The following CHURC1 variants were observed in gnomAD, a reference collection of about 807,000 sequenced individuals.
CHURC1 encodes the protein churchill domain containing 1, also known as protein Churchill.
CHURC1 carries 12 observed loss-of-function variants against 15.4 expected under a neutral mutation model. The observed-to-expected ratio is 0.78, with a 90% confidence interval of 0.50 to 1.27. The LOEUF is 1.27. Among genes scored for constraint, CHURC1 ranks in the 50% most tolerant of loss-of-function variants. The pLI is 0.00. For missense variants in CHURC1, 132 were observed against 137.8 expected (o/e 0.96, Z 0.21); for synonymous variants, 42 against 47.5 (o/e 0.88, Z 0.48).
At chr14:64,925,044 A>G (rs185112034) in intron 2 of CHURC1, among the ~76,000 whole-genome samples, 41 of 152,286 alleles carry the variant, frequency 2.7e-4, no homozygotes, top group African/African-American at 9.4e-4. Context: ...GCAGTAGGGC[A>G]TAGTGGTTTA....
intron 3 of CHURC1, among the ~76,000 whole-genome samples, chr14:64,928,676 G>T (rs1286564580): frequency 4.9e-5 from 7 of 141,646 alleles, no homozygotes; most frequent in Non-Finnish European, 8.9e-5. Context: ...ACCACATCCT[G>T]TGACTGCCTT....
chr14:64,932,553 G>GA lies in CHURC1; in HGVS notation c.*327dup. The GA allele has an allele frequency of 1.4e-6, 1 of 737,300 alleles. No individual in the cohort carries two copies. Among genetic ancestry groups the GA allele is most frequent in the Non-Finnish European group, 1.7e-6 (1 of 588,850 alleles). 45.7% of individuals were successfully genotyped at this position (737,300 alleles called of 1,614,324 possible). A position where few individuals can be genotyped will look rare whatever the true frequency, so the allele number is the denominator to read the frequency against. On this transcript the variant is annotated 3_prime_UTR_variant, in exon 4 of 4. Transcript: ENST00000549115. ...CAATAAAAGGAACCAGGACTCCTTA[G>GA]AAAATGAACTGATTCTAGAACTGGG...
intron 3 of CHURC1, chr14:64,930,704 A>G (rs1265156285): frequency 2.1e-5 from 8 of 384,780 alleles, no homozygotes; most frequent in East Asian, 7.4e-5. Context: ...AAATTTGTCA[A>G]TGGCTAGATT....
chr14:64,917,931 T>C (rs1160418385), intron 1 of CHURC1, among the ~76,000 whole-genome samples: 1 of 152,112 alleles, frequency 6.6e-6, no homozygotes, highest in African/African-American at 2.4e-5. Flanking sequence ...TCACCTGAGG[T>C]TGAGAATATC....
At chr14:64,920,847 C>T (rs764102903) in intron 1 of CHURC1, among the ~76,000 whole-genome samples, 3 of 152,172 alleles carry the variant, frequency 2.0e-5, no homozygotes, top group Non-Finnish European at 4.4e-5. Context: ...CCAATTCAAA[C>T]TCCAGTAGAC....
intron 3 of CHURC1, among the ~76,000 whole-genome samples, chr14:64,928,586 A>G (rs1023848310): frequency 3.3e-5 from 5 of 151,970 alleles, no homozygotes; most frequent in African/African-American, 9.7e-5. Context: ...TTATTTTCCT[A>G]TACTCCTCTT....
chr14:64,932,343 C>A lies in CHURC1; in HGVS notation c.*113C>A. The A allele has an allele frequency of 6.7e-7, 1 of 1,486,834 alleles. No individual in the cohort carries two copies. The highest frequency in any genetic ancestry group is 9.0e-7 in the Non-Finnish European group (1 of 1,115,462). 92.1% of individuals were successfully genotyped at this position (1,486,834 alleles called of 1,614,324 possible). On this transcript the variant is annotated 3_prime_UTR_variant, in exon 4 of 4. Coordinates refer to ENST00000549115, the MANE Select transcript of CHURC1 (RefSeq NM_001386928.1). Reference sequence around the variant, plus strand: ...AAATTCTTTGCATATTTTTTTTCTGCTTAGACTTACTTATTCTTTGAGGAA... The same window carrying A: ...AAATTCTTTGCATATTTTTTTTCTGATTAGACTTACTTATTCTTTGAGGAA...
intron 3 of CHURC1, among the ~76,000 whole-genome samples, chr14:64,929,948 C>A (rs1009810042): frequency 1.7e-5 from 2 of 120,298 alleles, no homozygotes; most frequent in Admixed American, 8.0e-5. Context: ...AGCCCCCCCC[C>A]ACACACACAC....
chr14:64,929,299 T>C (rs1884939013), intron 3 of CHURC1, among the ~76,000 whole-genome samples: 1 of 152,204 alleles, frequency 6.6e-6, no homozygotes, highest in South Asian at 2.1e-4. Context: ...TCAAGCCAAC[T>C]AAATCTTACC....
In CHURC1 at chr14:64,933,485, A is replaced by G; in HGVS notation, c.*1255A>G. On this transcript the variant is annotated 3_prime_UTR_variant, in exon 4 of 4. Coordinates refer to ENST00000549115, the MANE Select transcript of CHURC1 (RefSeq NM_001386928.1). ...GGCCTCTCTGCCATTTAGTAGCAGT[A>G]TAGTCATTAAGCAAAGCATTACTCT... 12 of 985,206 alleles carry G rather than the reference A, an allele frequency of 1.2e-5. No individual in the cohort carries two copies. Among genetic ancestry groups the G allele is most frequent in the Non-Finnish European group, 1.4e-5 (12 of 829,696 alleles). 61.0% of individuals were successfully genotyped at this position (985,206 alleles called of 1,614,324 possible).
At chr14:64,927,986 A>G (rs1884839082) in intron 3 of CHURC1, among the ~76,000 whole-genome samples, 1 of 151,804 alleles carries the variant, frequency 6.6e-6, no homozygotes, top group Non-Finnish European at 1.5e-5. Flanking sequence ...ACAATATCCA[A>G]GCTCCTCATT....
chr14:64,922,838 G>A (rs1023854435), intron 1 of CHURC1, among the ~76,000 whole-genome samples: 26 of 152,152 alleles, frequency 1.7e-4, no homozygotes, highest in African/African-American at 5.8e-4. Flanking sequence ...ATACATAGAA[G>A]GGAGAGATTA....
intron 3 of CHURC1, among the ~76,000 whole-genome samples, chr14:64,929,191 CT>C: frequency 6.6e-6 from 1 of 152,284 alleles, no homozygotes; most frequent in South Asian, 2.1e-4. Flanking sequence ...ATGTAGCTTC[CT>C]TTCCCTTTTA....
At chr14:64,927,332 A>G (rs961694192) in intron 3 of CHURC1, among the ~76,000 whole-genome samples, 14 of 152,172 alleles carry the variant, frequency 9.2e-5, no homozygotes, top group African/African-American at 2.7e-4. Flanking sequence ...TTGACATCTT[A>G]GTGAATGAGT....
At chr14:64,917,938 T>C (rs1454330811) in intron 1 of CHURC1, among the ~76,000 whole-genome samples, 1 of 152,194 alleles carries the variant, frequency 6.6e-6, no homozygotes, top group Non-Finnish European at 1.5e-5. Flanking sequence ...AGGTTGAGAA[T>C]ATCCGAAGGG....
In CHURC1 at chr14:64,917,843, C is replaced by G. The variant is rs531957861; in HGVS notation, c.39+3309C>G. On this transcript the variant is annotated intron_variant, in intron 1 of 3. Transcript: ENST00000549115. The stretch of plus-strand genomic sequence containing the variant: ...TAGGCAACTGGGATGTTGGAAGTAT[C>G]ATTACAGAAATTGGAGGCATATGGG... 4.4e-4 allele frequency among the ~76,000 whole-genome samples: 67 copies of G among 152,290 alleles called. 2 individuals are homozygous for G. The South Asian group carries it at 0.013, about 30-fold the overall frequency.
chr14:64,931,989 A>G, intron 3 of CHURC1, 149 bp from the exon 4 acceptor site: 1 of 961,988 alleles, frequency 1.0e-6, no homozygotes, highest in Non-Finnish European at 1.5e-6. Context: ...GAATAAGCCT[A>G]AGACATTGCT....
chr14:64,925,920 TTAAA>T, intron 2 of CHURC1, 86 bp from the exon 3 acceptor site: 1 of 928,160 alleles, frequency 1.1e-6, no homozygotes, highest in Non-Finnish European at 1.6e-6. Flanking sequence ...AAGATTCTCT[TTAAA>T]TAATATGCTG....
Position 64,933,164 on chromosome 14 carries a change from C to A in CHURC1, c.*934C>A. The A allele has an allele frequency of 6.4e-6, 1 of 156,252 alleles. No individual in the cohort carries two copies. Among genetic ancestry groups the A allele is most frequent in the Non-Finnish European group, 1.4e-5 (1 of 71,462 alleles). 9.7% of individuals were successfully genotyped at this position (156,252 alleles called of 1,614,324 possible). On this transcript the variant is annotated 3_prime_UTR_variant, in exon 4 of 4. Coordinates refer to ENST00000549115, the MANE Select transcript of CHURC1 (RefSeq NM_001386928.1). Reference sequence around the variant, plus strand: ...AGAAGCATTCTTTAAAATACCTAACCAGTACTTCTCAAAACTATCAAGGCC... The same window carrying A: ...AGAAGCATTCTTTAAAATACCTAACAAGTACTTCTCAAAACTATCAAGGCC...
Sources: gnomAD v4.1 joint callset for allele counts (sites outside exome capture counted in the v4.1 genomes callset) on GRCh38, gnomAD v4.1.1 for gene constraint, MANE v1.5 for transcripts, NCBI Gene and HGNC (gene_info 2026-07-23, HGNC 2026-07-21) for gene names.